Variants in UBAC1 observed in about 807,000 individuals in gnomAD.
The protein encoded by UBAC1 is ubiquitin-associated domain-containing protein 1.
Under a neutral mutation model 45.9 loss-of-function variants are expected in UBAC1, and 27 were observed. That is an observed-to-expected ratio of 0.59 (90% CI 0.43 to 0.81). UBAC1 has a LOEUF of 0.81. Ranked by LOEUF, UBAC1 falls within the 30% of genes least tolerant of loss-of-function variation. UBAC1 has a pLI of 0.00. For synonymous variants in UBAC1, 227 were observed against 215.5 expected, an observed-to-expected ratio of 1.05 and a Z score of -0.47; for missense variants, 529 against 539.2, an observed-to-expected ratio of 0.98 and a Z score of 0.19.
intron 2 of UBAC1, among the ~76,000 whole-genome samples, chr9:135,954,304 G>A (rs978631339): frequency 2.6e-5 from 4 of 152,070 alleles, no homozygotes; most frequent in African/African-American, 9.7e-5. Flanking sequence ...AAATAGTTGC[G>A]CATGGTGGCA....
intron 3 of UBAC1, among the ~76,000 whole-genome samples, chr9:135,951,368 T>A (rs1326388376): frequency 6.6e-6 from 1 of 152,060 alleles, no homozygotes; most frequent in Non-Finnish European, 1.5e-5. Flanking sequence ...CACACACCTG[T>A]GGTCCCAGCT....
intron 9 of UBAC1, among the ~76,000 whole-genome samples, chr9:135,934,924 A>C (rs1839186035): frequency 6.6e-6 from 1 of 152,104 alleles, no homozygotes; most frequent in Non-Finnish European, 1.5e-5. Flanking sequence ...TTTGTTGCCC[A>C]GGCTGGAGTG....
At chr9:135,950,254 A>T (rs1195969168) in intron 3 of UBAC1, among the ~76,000 whole-genome samples, 3 of 152,242 alleles carry the variant, frequency 2.0e-5, no homozygotes, top group Non-Finnish European at 4.4e-5. Context: ...AAGCAGCTAC[A>T]TGTGTGGCGA....
chr9:135,960,909 G>A, intron 1 of UBAC1, 116 bp downstream of exon 1: 2 of 921,608 alleles, frequency 2.2e-6, no homozygotes, highest in Non-Finnish European at 1.5e-6. Context: ...GAGGGCCTGG[G>A]AGCTGCGGAC....
At chr9:135,949,752 C>T (rs1359537737) in intron 3 of UBAC1, among the ~76,000 whole-genome samples, 1 of 152,240 alleles carries the variant, frequency 6.6e-6, no homozygotes, top group African/African-American at 2.4e-5. Flanking sequence ...CCGGGCCTGG[C>T]AGTTGCCCGT....
At chr9:135,942,785 G>A (rs571155780) in intron 7 of UBAC1, among the ~76,000 whole-genome samples, 1 of 152,328 alleles carries the variant, frequency 6.6e-6, no homozygotes, top group East Asian at 1.9e-4. Context: ...GGGCTGCCCT[G>A]GGAGGGCGGG....
chr9:135,957,585 G>C (rs1349696741), intron 1 of UBAC1, among the ~76,000 whole-genome samples: 2 of 151,816 alleles, frequency 1.3e-5, no homozygotes, highest in African/African-American at 2.4e-5. Context: ...CGCTGGAGTA[G>C]GGAGGCCCTC....
rs201008912 is a variant in UBAC1 at position 135,940,346 on chromosome 9, G to A, written c.877-587C>T. ...TGTAATCCCAGCACTTTGGGAGGCC[G>A]AGGCAGGCGGATCACCAGGTCAGGA... On this transcript the variant is annotated intron_variant, in intron 7 of 9. Coordinates refer to ENST00000371756, the MANE Select transcript of UBAC1 (RefSeq NM_016172.3). Among the ~76,000 whole-genome samples, 82 of 151,942 alleles carry A rather than the reference G, an allele frequency of 5.4e-4. No homozygotes were observed. In the East Asian group the frequency reaches 9.5e-3, roughly 18 times the overall value.
At chr9:135,938,628 C>T (rs1839228151) in intron 8 of UBAC1, among the ~76,000 whole-genome samples, 1 of 152,270 alleles carries the variant, frequency 6.6e-6, no homozygotes, top group Non-Finnish European at 1.5e-5. Flanking sequence ...CTGCCGCTTC[C>T]CCACTTACCT....
At chr9:135,960,052 C>T (rs1839513052) in intron 1 of UBAC1, among the ~76,000 whole-genome samples, 1 of 152,228 alleles carries the variant, frequency 6.6e-6, no homozygotes, top group Non-Finnish European at 1.5e-5. Flanking sequence ...TGAAGTTTAT[C>T]CTTAGAGACC....
At position 135,961,367 on chromosome 9, in the gene UBAC1, G is replaced by C. The variant is rs781076532; in HGVS notation, c.-205C>G. ...CCCGCCGCCGCAGCAGCCGCCGGGGGCGCGCCGTCGCGGCCGCACCGGAAG... is the reference window on the plus strand; with the variant it reads ...CCCGCCGCCGCAGCAGCCGCCGGGGCCGCGCCGTCGCGGCCGCACCGGAAG... On this transcript the variant is annotated 5_prime_UTR_variant, in exon 1 of 10. Transcript: ENST00000371756. 6 of 190,366 alleles carry C rather than the reference G, an allele frequency of 3.2e-5. No homozygotes were observed. The highest frequency in any genetic ancestry group is 5.8e-5 in the Non-Finnish European group (6 of 103,384). The allele number at this position is 190,366 out of a possible 1,614,324, so 11.8% of individuals were successfully genotyped here.
At chr9:135,949,897 G>A (rs1839387337) in intron 3 of UBAC1, among the ~76,000 whole-genome samples, 2 of 152,230 alleles carry the variant, frequency 1.3e-5, no homozygotes, top group Admixed American at 6.5e-5. Flanking sequence ...AAAGGGATGG[G>A]TCTCTTTCTG....
intron 3 of UBAC1, among the ~76,000 whole-genome samples, chr9:135,953,162 C>T (rs936362738): frequency 9.9e-5 from 15 of 152,156 alleles, no homozygotes; most frequent in Non-Finnish European, 1.5e-5. Context: ...GTGCTGGTCC[C>T]GTGAGCAGGG....
intron 9 of UBAC1, among the ~76,000 whole-genome samples, chr9:135,935,488 C>CA (rs1255659313): frequency 2.0e-5 from 3 of 151,702 alleles, no homozygotes; most frequent in Non-Finnish European, 4.4e-5. Flanking sequence ...TCAACAACAA[C>CA]AAAAAAAATA....
chr9:135,945,516 G>C (rs1181368150), intron 6 of UBAC1: 1 of 510,438 alleles, frequency 2.0e-6, no homozygotes, highest in Non-Finnish European at 3.4e-6. Flanking sequence ...GGCTTAGATA[G>C]GGACCACAGG....
At chr9:135,958,474 G>A (rs377578052) in intron 1 of UBAC1, among the ~76,000 whole-genome samples, 85 of 152,274 alleles carry the variant, frequency 5.6e-4, no homozygotes, top group African/African-American at 1.9e-3. Flanking sequence ...AAACAGAAAA[G>A]GGAAAGGCAA....
At chr9:135,944,900 T>C in intron 7 of UBAC1, 128 bp downstream of exon 7, 1 of 940,662 alleles carries the variant, frequency 1.1e-6, no homozygotes, top group Non-Finnish European at 1.5e-6. Flanking sequence ...TTCCCCAGCT[T>C]CTCTCTCTCC....
At chr9:135,956,425 C>T (rs568174282) in intron 1 of UBAC1, among the ~76,000 whole-genome samples, 92 of 152,268 alleles carry the variant, frequency 6.0e-4, no homozygotes, top group African/African-American at 2.1e-3. Context: ...GGGCTAGGCG[C>T]GTCGGCTCAC....
chr9:135,934,116 C>A (rs1175639439), intron 9 of UBAC1, among the ~76,000 whole-genome samples: 1 of 152,190 alleles, frequency 6.6e-6, no homozygotes. Flanking sequence ...TCTGCCAGCC[C>A]CTCTGCCAGG....
Sources: gnomAD v4.1 joint callset for allele counts (sites outside exome capture counted in the v4.1 genomes callset) on GRCh38, gnomAD v4.1.1 for gene constraint, MANE v1.5 for transcripts, NCBI Gene and HGNC (gene_info 2026-07-23, HGNC 2026-07-21) for gene names.